The following LMO1 variants were observed in gnomAD, a reference collection of about 807,000 sequenced individuals.
LMO1 encodes the protein LIM domain only 1, also known as rhombotin-1.
In LMO1, 10 loss-of-function variants were observed where a neutral mutation model predicts 18.0. That is an observed-to-expected ratio of 0.55 (90% CI 0.34 to 0.94). The LOEUF (loss-of-function observed/expected upper bound fraction) is 0.94, where lower values mean the gene tolerates loss of function less well. LMO1 is among the 40% of genes least tolerant of loss of function. The pLI is 0.02. For missense variants in LMO1, 183 were observed against 205.7 expected, an observed-to-expected ratio of 0.89 and a Z score of 0.68; for synonymous variants, 77 against 77.9, an observed-to-expected ratio of 0.99 and a Z score of 0.06.
At chr11:8,263,122 G>A (rs933534544) in intron 1 of LMO1, among the ~76,000 whole-genome samples, 10 of 151,378 alleles carry the variant, frequency 6.6e-5, no homozygotes, top group African/African-American at 2.2e-4. Context: ...CCCCGGGCGC[G>A]TGCAGCCCGG....
chr11:8,267,842 G>A (rs1847276828), upstream of LMO1, among the ~76,000 whole-genome samples: 1 of 152,232 alleles, frequency 6.6e-6, no homozygotes, highest in South Asian at 2.1e-4. Flanking sequence ...GTGAACTGAT[G>A]GCAGTTCCCT....
chr11:8,229,100 T>C (rs559107777), intron 2 of LMO1, among the ~76,000 whole-genome samples: 71 of 151,890 alleles, frequency 4.7e-4, no homozygotes, highest in Non-Finnish European at 9.1e-4. Context: ...TTGCCCAGGG[T>C]TGGTCTCGAA....
intron 1 of LMO1, among the ~76,000 whole-genome samples, chr11:8,232,867 T>A (rs1483380808): frequency 1.3e-5 from 2 of 152,174 alleles, no homozygotes; most frequent in Non-Finnish European, 2.9e-5. Context: ...CTCTCTTCCA[T>A]CTACCCTGGC....
intron 1 of LMO1, among the ~76,000 whole-genome samples, chr11:8,244,885 A>C (rs547645562): frequency 3.9e-5 from 6 of 152,166 alleles, no homozygotes; most frequent in Non-Finnish European, 8.8e-5. Context: ...TGGCCAGCCC[A>C]AGCAAGGTCT....
intron 1 of LMO1, among the ~76,000 whole-genome samples, chr11:8,258,568 T>G (rs528195130): frequency 1.4e-3 from 210 of 152,288 alleles, no homozygotes; most frequent in African/African-American, 4.8e-3. Flanking sequence ...TGTTCCAAGG[T>G]TGAGAGACCA....
Position 8,227,071 on chromosome 11 carries a change from G to A in LMO1, c.269C>T (p.Ala90Val), listed in dbSNP as rs771166140. 4 of 1,613,932 alleles carry A rather than the reference G, an allele frequency of 2.5e-6. No homozygotes were observed. The highest frequency in any genetic ancestry group is 3.4e-6 in the Non-Finnish European group (4 of 1,179,878). The change falls in exon 3 of 4, where the codon GCT becomes GTT. Residue 90 changes from alanine to valine, a missense_variant. Ala to Val is a moderately conservative substitution (Grantham distance 64). Transcript: ENST00000335790. The part of the protein sequence containing the change: ...RLFGTTGNCA[A>V]CSKLIPAFEM... ...GAAGGCTGGGATCAGCTTGCTGCAA[G>A]CAGCACAGTTCCCTGTGGTGCCAAA... is the stretch of plus-strand genomic sequence containing the variant.
At chr11:8,254,619 C>A (rs1286900102) in intron 1 of LMO1, among the ~76,000 whole-genome samples, 1 of 63,668 alleles carries the variant, frequency 1.6e-5, no homozygotes, top group African/African-American at 3.0e-5. Flanking sequence ...TATGGTCCCT[C>A]CCCACCGAGG....
intron 1 of LMO1, among the ~76,000 whole-genome samples, chr11:8,262,025 T>TAGCAGCCTGGGGGCATCGGC (rs1313872260): frequency 6.6e-6 from 1 of 152,068 alleles, no homozygotes; most frequent in East Asian, 1.9e-4. Flanking sequence ...CAGAAGGCGG[T>TAGCAGCCTGGGGGCATCGGC]AGCAGCCTGG....
chr11:8,245,737 A>G (rs1431031319), intron 1 of LMO1, among the ~76,000 whole-genome samples: 3 of 152,194 alleles, frequency 2.0e-5, no homozygotes, highest in Non-Finnish European at 4.4e-5. Flanking sequence ...ATCCCCAAAC[A>G]CAGAGTTTTC....
chr11:8,233,703 G>GC (rs766629499), intron 1 of LMO1, among the ~76,000 whole-genome samples: 14 of 99,888 alleles, frequency 1.4e-4, no homozygotes, highest in Admixed American at 5.7e-4. Flanking sequence ...TTCCCACCTA[G>GC]CCCCCCACCC....
chr11:8,235,707 T>C (rs756982928), intron 1 of LMO1, among the ~76,000 whole-genome samples: 2 of 152,194 alleles, frequency 1.3e-5, no homozygotes, highest in Non-Finnish European at 2.9e-5. Context: ...GGAATATCTC[T>C]CAATGTGGGT....
In LMO1 at chr11:8,227,622, G is replaced by T. The variant is rs1331753977; in HGVS notation, c.240-522C>A. Among the ~76,000 whole-genome samples the T allele has an allele frequency of 1.3e-5, 2 of 152,206 alleles. 1 individual carries two copies. Among genetic ancestry groups the T allele is most frequent in the Non-Finnish European group, 2.9e-5 (2 of 68,042 alleles). On this transcript the variant is annotated intron_variant, in intron 2 of 3. Transcript: ENST00000335790. ...CAACCACCTAGGTAGTGTTCACTAT[G>T]TGTCAGCCACTAATCTAAGAGCTTT...
intron 3 of LMO1, chr11:8,226,737 C>A (rs1335229607): frequency 1.6e-6 from 1 of 615,916 alleles, no homozygotes; most frequent in Non-Finnish European, 2.5e-6. Context: ...ATTATATTCA[C>A]ACAGAAATGT....
chr11:8,251,868 T>A (rs370332292), intron 1 of LMO1, among the ~76,000 whole-genome samples: 3 of 7,788 alleles, frequency 3.9e-4, no homozygotes, highest in African/African-American at 6.4e-4. Context: ...TGTGAATGTG[T>A]GTGAGTGTGT....
At chr11:8,256,987 G>T (rs1207016456) in intron 1 of LMO1, among the ~76,000 whole-genome samples, 1 of 152,226 alleles carries the variant, frequency 6.6e-6, no homozygotes, top group African/African-American at 2.4e-5. Flanking sequence ...TAGGTCCAGA[G>T]TCCCAGATGA....
intron 1 of LMO1, among the ~76,000 whole-genome samples, chr11:8,235,515 A>T (rs1952747107): frequency 6.6e-6 from 1 of 152,252 alleles, no homozygotes; most frequent in African/African-American, 2.4e-5. Context: ...TTATTATCTA[A>T]TCTATAGACC....
intron 1 of LMO1, among the ~76,000 whole-genome samples, chr11:8,237,290 C>T (rs142233952): frequency 3.9e-5 from 6 of 152,220 alleles, no homozygotes; most frequent in Non-Finnish European, 8.8e-5. Context: ...AGCAGCCCCT[C>T]CTAGGCATCA....
intron 1 of LMO1, among the ~76,000 whole-genome samples, chr11:8,246,034 C>T (rs999646795): frequency 3.3e-5 from 5 of 152,256 alleles, no homozygotes; most frequent in Middle Eastern, 3.4e-3. Context: ...CACTCATCAC[C>T]AAGCGGATAG....
intron 1 of LMO1, among the ~76,000 whole-genome samples, chr11:8,249,049 C>G (rs1371514148): frequency 6.6e-6 from 1 of 152,220 alleles, no homozygotes; most frequent in Admixed American, 6.5e-5. Context: ...CCCTGGAGCT[C>G]AACTCCAGCT....
Sources: gnomAD v4.1 joint callset for allele counts (sites outside exome capture counted in the v4.1 genomes callset) on GRCh38, gnomAD v4.1.1 for gene constraint, MANE v1.5 for transcripts, NCBI Gene and HGNC (gene_info 2026-07-23, HGNC 2026-07-21) for gene names.